TPM2: variants seen among roughly 807,000 people sequenced by gnomAD.
The protein encoded by TPM2 is tropomyosin 2, also known as tropomyosin beta chain.
Under a neutral mutation model 41.0 loss-of-function variants are expected in TPM2, and 26 were observed. The ratio of observed to expected loss-of-function variants is 0.63; its 90% CI spans 0.46 to 0.88. The LOEUF is 0.88. Among genes scored for constraint, TPM2 ranks in the 40% least tolerant of loss-of-function variants. The pLI is 0.00. For synonymous variants in TPM2, 143 were observed against 139.3 expected (o/e 1.03, Z -0.19); for missense variants, 187 against 355.2 (o/e 0.53, Z 3.81).
chr9:35,689,260 C>G lies in TPM2; in HGVS notation c.126G>C (p.Glu42Asp), dbSNP rs1226027909. 1.2e-6 allele frequency: 2 copies of G among 1,614,106 alleles called. No individual in the cohort carries two copies. Among genetic ancestry groups the G allele is most frequent in the Non-Finnish European group, 1.7e-6 (2 of 1,180,038 alleles). ...TCAGCTTCTTCTGGAGGGCCTGCTG[C>G]TCCTCCTCCAGCTGGGACAGAGGGG... Reference protein sequence around the residue: ...AEDRCKQLEEEQQALQKKLKG... With the variant: ...AEDRCKQLEEDQQALQKKLKG... The change falls in exon 2 of 9, where the codon GAG becomes GAC. Residue 42 changes from glutamate (E) to aspartate (D), a missense_variant. Glu to Asp is a conservative substitution (Grantham distance 45). Transcript: ENST00000645482.
At position 35,683,826 on chromosome 9, in the gene TPM2, T is replaced by G. The variant is rs115268255; in HGVS notation, c.772+420A>C. On this transcript the variant is annotated intron_variant, in intron 8 of 8. Transcript: ENST00000645482. ...TTCAGTCCAACAGCTCTCTAGTTAA[T>G]AAGCCAGTCTCTGCACTAGAACTCT... Among the ~76,000 whole-genome samples the G allele has an allele frequency of 9.9e-3, 1,515 of 152,338 alleles. 29 individuals are homozygous for G. Among genetic ancestry groups the G allele is most frequent in the African/African-American group, 0.034 (1,405 of 41,570 alleles).
At chr9:35,683,330 G>A in intron 8 of TPM2, 89 bp from the exon 9 acceptor site, 1 of 1,281,798 alleles carries the variant, frequency 7.8e-7, no homozygotes, top group Middle Eastern at 1.8e-4. Context: ...GCAATGGAAA[G>A]AAAAACAGAA....
In TPM2 at chr9:35,684,249, C is replaced by G. The variant is rs769771128; in HGVS notation, c.769G>C (p.Glu257Gln). 1 of 1,614,126 alleles carries G rather than the reference C, an allele frequency of 6.2e-7. No homozygotes were observed. Among genetic ancestry groups the G allele is most frequent in the South Asian group, 1.1e-5 (1 of 91,088 alleles). ...AKLEKTIDDL[E>Q]DEVYAQKMKY... ...TACTTATAAAGGCTTCTTTTACCTT[C>G]TAGGTCATCGATGGTTTTCTCCAAC... The change falls in exon 8 of 9, where the codon GAA becomes CAA. Residue 257 changes from glutamate (E) to glutamine (Q), a missense_variant. Transcript: ENST00000645482.
At chr9:35,689,050 AAGGGGAT>A in intron 2 of TPM2, 89 bp downstream of exon 2, 2 of 1,431,730 alleles carry the variant, frequency 1.4e-6, no homozygotes, top group South Asian at 2.3e-5. Flanking sequence ...CTGGGGACAT[AAGGGGAT>A]AAGGTGCCCC....
At position 35,685,466 on chromosome 9, in the gene TPM2, T is replaced by C; in HGVS notation, c.460A>G (p.Ile154Val). 1.2e-6 allele frequency: 2 copies of C among 1,614,220 alleles called. No individual in the cohort carries two copies. Among genetic ancestry groups the C allele is most frequent in the South Asian group, 2.2e-5 (2 of 91,090 alleles). The change falls in exon 4 of 9, where the codon ATC becomes GTC. Residue 154 changes from isoleucine (I) to valine (V), a missense_variant. Physicochemically the swap from Ile to Val is conservative, Grantham distance 29. Transcript: ENST00000645482. This position sits in a 1 kb window ranked among gnomAD's most constrained non-coding sequence, Gnocchi z 5.0. ...QEMQLKEAKHIAEDSDRKYEE... is the reference protein window; with the variant it reads ...QEMQLKEAKHVAEDSDRKYEE... ...TATTTGCGGTCTGAATCCTCAGCGA[T>C]GTGCTTGGCCTCCTTCAGCTGCATC...
intron 2 of TPM2, among the ~76,000 whole-genome samples, chr9:35,688,773 T>TC (rs1012111363): frequency 4.6e-5 from 7 of 151,914 alleles, no homozygotes; most frequent in Non-Finnish European, 1.0e-4. Context: ...CACATCCACA[T>TC]CCCCCCATCC....
rs1825115308 is a variant in TPM2, at chr9:35,689,281, A to AG, written c.115-11dup. 6.2e-7 allele frequency: 1 copy of AG among 1,613,898 alleles called. No homozygotes were observed. Among genetic ancestry groups the AG allele is most frequent in the Non-Finnish European group, 8.5e-7 (1 of 1,179,922 alleles). ...GCTGCTCCTCCTCCAGCTGGGACAG[A>AG]GGGGACTTGGTCAGCCAGGCTGGGA... On this transcript the variant is annotated splice_polypyrimidine_tract_variant and intron_variant, in intron 1 of 8. Coordinates refer to ENST00000645482, the MANE Select transcript of TPM2 (RefSeq NM_003289.4).
At chr9:35,684,852 C>G in intron 5 of TPM2, 45 bp from the exon 6 acceptor site, 1 of 1,613,456 alleles carries the variant, frequency 6.2e-7, no homozygotes, top group South Asian at 1.1e-5. Context: ...GAGGGCACAG[C>G]GAAGCCAGAC....
At chr9:35,689,667 C>A (rs1047248240) in intron 1 of TPM2, 37 bp downstream of exon 1, 1 of 1,608,776 alleles carries the variant, frequency 6.2e-7, no homozygotes, top group Non-Finnish European at 8.5e-7. Flanking sequence ...TTGCCCTAGG[C>A]GCGGGGAGAG....
In TPM2 at chr9:35,685,927, ATCT is replaced by A; in HGVS notation, c.241-150_241-148del. The A allele has an allele frequency of 7.3e-7, 1 of 1,376,522 alleles. No homozygotes were observed. The highest frequency in any genetic ancestry group is 1.0e-6 in the Non-Finnish European group (1 of 994,544). 85.3% of individuals were successfully genotyped at this position (1,376,522 alleles called of 1,614,324 possible). A position where few individuals can be genotyped will look rare whatever the true frequency, so the allele number is the denominator to read the frequency against. On this transcript the variant is annotated intron_variant, in intron 2 of 8. Coordinates refer to ENST00000645482, the MANE Select transcript of TPM2 (RefSeq NM_003289.4). This position sits in a 1 kb window ranked among gnomAD's most constrained non-coding sequence, Gnocchi z 5.0. ...CTATGTGATTTTTCCCCAACCAATC[ATCT>A]TCTGCCCAGACTGTGCTCCAGTAAA...
At chr9:35,683,878 G>A (rs1292718183) in intron 8 of TPM2, among the ~76,000 whole-genome samples, 1 of 152,212 alleles carries the variant, frequency 6.6e-6, no homozygotes, top group Non-Finnish European at 1.5e-5. Flanking sequence ...GGACGGAATT[G>A]TCTATAAGGG....
chr9:35,685,234 C>T lies in TPM2; in HGVS notation c.563+35G>A. 1.2e-6 allele frequency: 2 copies of T among 1,614,202 alleles called. No individual in the cohort carries two copies. Among genetic ancestry groups the T allele is most frequent in the Non-Finnish European group, 1.7e-6 (2 of 1,180,032 alleles). The stretch of plus-strand genomic sequence containing the variant: ...CCCACTGTGTGGAAGGCCCCAGGGC[C>T]AATGGGCTCACTTGTCACCCCCGGG... On this transcript the variant is annotated intron_variant, in intron 5 of 8. Coordinates refer to ENST00000645482, the MANE Select transcript of TPM2 (RefSeq NM_003289.4). The surrounding 1 kb of genome is among the most constrained non-coding windows in gnomAD (Gnocchi z 5.0).
At chr9:35,689,553 G>A in intron 1 of TPM2, 151 bp downstream of exon 1, 2 of 1,423,026 alleles carry the variant, frequency 1.4e-6, no homozygotes, top group East Asian at 2.4e-5. Context: ...AGCGGCTCTG[G>A]CGAAGGCCCT....
chr9:35,684,774 A>C lies in TPM2; in HGVS notation c.597T>G (p.Ile199Met), dbSNP rs1169940369. 1 of 1,613,676 alleles carries C rather than the reference A, an allele frequency of 6.2e-7. No homozygotes were observed. The highest frequency in any genetic ancestry group is 8.5e-7 in the Non-Finnish European group (1 of 1,179,962). ...KCGDLEEELK[I>M]VTNNLKSLEA... is the part of the protein sequence containing the mutation. ...CCAGGGATTTCAAGTTGTTGGTAAC[A>C]ATTTTCAGCTCCTCCTCTAGGTCCC... The change falls in exon 6 of 9, where the codon ATT (isoleucine) becomes ATG (methionine). Residue 199 changes from isoleucine (I) to methionine (M), a missense_variant. Coordinates refer to ENST00000645482, the MANE Select transcript of TPM2 (RefSeq NM_003289.4).
In TPM2 at chr9:35,684,580, C is replaced by T. The variant is rs775791909; in HGVS notation, c.640-30G>A. 6.2e-6 allele frequency: 10 copies of T among 1,613,928 alleles called. No homozygotes were observed. The South Asian group carries it at 1.1e-4, about 18-fold the overall frequency. ...TGGGGACACACACACGCCATCAGTA[C>T]AGCGCTACCACAGATCCTTCATTTC... On this transcript the variant is annotated intron_variant, in intron 6 of 8. Coordinates refer to ENST00000645482, the MANE Select transcript of TPM2 (RefSeq NM_003289.4).
chr9:35,684,330 A>G lies in TPM2; in HGVS notation c.703-15T>C. On this transcript the variant is annotated splice_polypyrimidine_tract_variant and intron_variant, in intron 7 of 8. Transcript: ENST00000645482. ...CGGGTCTCAGCCTGGGGGTAAAGGC[A>G]GGATGGGAGAAATGGCAAAGAATTA... is the stretch of plus-strand genomic sequence containing the variant. 6.2e-7 allele frequency: 1 copy of G among 1,614,184 alleles called. No homozygotes were observed. Among genetic ancestry groups the G allele is most frequent in the Non-Finnish European group, 8.5e-7 (1 of 1,180,018 alleles).
In TPM2 at chr9:35,683,250, G is replaced by A. The variant is rs1175005753; in HGVS notation, c.773-9C>T. On this transcript the variant is annotated splice_polypyrimidine_tract_variant and intron_variant, in intron 8 of 8. Coordinates refer to ENST00000645482, the MANE Select transcript of TPM2 (RefSeq NM_003289.4). ...CTGGGCATAGACTTCATCTGGGGGG[G>A]GTCCAGGGAGGGGACCAGGTGGGAG... 1.3e-6 allele frequency: 2 copies of A among 1,550,062 alleles called. No homozygotes were observed. The highest frequency in any genetic ancestry group is 1.4e-5 in the African/African-American group (1 of 73,044).
rs1403923565 is a variant in TPM2 at position 35,683,120 on chromosome 9, G to A, written c.*39C>T. The A allele has an allele frequency of 1.9e-6, 3 of 1,551,838 alleles. No individual in the cohort carries two copies. The African/African-American group carries it at 4.1e-5, about 21-fold the overall frequency. On this transcript the variant is annotated 3_prime_UTR_variant, in exon 9 of 9. Coordinates refer to ENST00000645482, the MANE Select transcript of TPM2 (RefSeq NM_003289.4). ...CCCCATAGAGAGAATGGAAAGGAGA[G>A]GAGAGAAGAGAGCTGAGGTGGCCAC...
At chr9:35,689,472 C>A (rs1048677835) in intron 1 of TPM2, 12 of 890,066 alleles carry the variant, frequency 1.3e-5, no homozygotes, top group African/African-American at 3.6e-5. Flanking sequence ...GGAGCAGGAC[C>A]AACCGCGCTC....
Sources: gnomAD v4.1 joint callset for allele counts (sites outside exome capture counted in the v4.1 genomes callset) on GRCh38, gnomAD v4.1.1 for gene constraint, Gnocchi (gnomAD v3.1) non-coding constraint, MANE v1.5 for transcripts, NCBI Gene and HGNC (gene_info 2026-07-23, HGNC 2026-07-21) for gene names.